Variants in SEC14L4 observed in about 807,000 individuals in gnomAD.
The protein encoded by SEC14L4 is SEC14-like protein 4.
SEC14L4 carries 42 observed loss-of-function variants against 55.1 expected under a neutral mutation model. The observed-to-expected ratio is 0.76, with a 90% CI of 0.60 to 0.99. The LOEUF (loss-of-function observed/expected upper bound fraction) is 0.99. SEC14L4 is among the 50% of genes least tolerant of loss of function. The probability of loss-of-function intolerance (pLI) is 0.00; values close to 1 mark genes in which losing one functional copy is unlikely to be tolerated. For missense variants in SEC14L4, 445 were observed against 512.1 expected (o/e 0.87, Z 1.27); for synonymous variants, 206 against 206.8 (o/e 1.00, Z 0.03).
Position 30,495,645 on chromosome 22 carries a change from G to A in SEC14L4, c.175-3C>T. The A allele has an allele frequency of 6.2e-7, 1 of 1,614,092 alleles. No individual in the cohort carries two copies. Among genetic ancestry groups the A allele is most frequent in the Middle Eastern group, 1.6e-4 (1 of 6,062 alleles). Reference sequence around the variant, plus strand: ...TGTTGCTTCCGGAACTCCATGTGCTGCAGGAACACAGCAGGAGCTATAGGA... The same window carrying A: ...TGTTGCTTCCGGAACTCCATGTGCTACAGGAACACAGCAGGAGCTATAGGA... On this transcript the variant is annotated splice_polypyrimidine_tract_variant and splice_region_variant and intron_variant, in intron 3 of 11. Coordinates refer to ENST00000255858, the MANE Select transcript of SEC14L4 (RefSeq NM_174977.4).
Position 30,490,236 on chromosome 22 carries a change from G to A in SEC14L4, c.1092C>T (p.Arg364=). The A allele has an allele frequency of 1.2e-6, 2 of 1,613,438 alleles. No homozygotes were observed. The highest frequency in any genetic ancestry group is 1.7e-6 in the Non-Finnish European group (2 of 1,180,022). The change falls in exon 12 of 12, where the codon CGC becomes CGT. Residue 364 remains arginine (R), a synonymous_variant. Transcript: ENST00000255858. Reference sequence around the variant, plus strand: ...GCATCCGGCTGTAGGTGTTGTCGAAGCGCAGGACATCTGCAGTGATGGAGA... The same window carrying A: ...GCATCCGGCTGTAGGTGTTGTCGAAACGCAGGACATCTGCAGTGATGGAGA... ...TCLQAGVYVL[R]FDNTYSRMHA...
rs969179587 is a variant in SEC14L4 at position 30,501,846 on chromosome 22, C to T, written c.130+1831G>A. ...TTATATATATATACACACACACGCA[C>T]ATATATATATATATATATATATATA... On this transcript the variant is annotated intron_variant, in intron 2 of 11. Transcript: ENST00000255858. Among the ~76,000 whole-genome samples the T allele has an allele frequency of 6.8e-3, 760 of 111,812 alleles. 11 individuals are homozygous for T. The highest frequency in any genetic ancestry group is 0.024 in the African/African-American group (688 of 28,314). 73.4% of individuals were successfully genotyped at this position (111,812 alleles called of 152,430 possible).
Position 30,494,960 on chromosome 22 carries a change from A to C in SEC14L4, c.425T>G (p.Leu142Arg), listed in dbSNP as rs768087720. Residue 142 changes from leucine to arginine, a missense_variant and splice_region_variant, in exon 6 of 12, where the codon CTG becomes CGG. Coordinates refer to ENST00000255858, the MANE Select transcript of SEC14L4 (RefSeq NM_174977.4). ...CAGCGCCATCTCGATCTTCCTGCCC[A>C]GCTGCTTGGGACAGAGTCATATAGG... ...LHECELQTQK[L>R]GRKIEMALMV... 3.7e-6 allele frequency: 6 copies of C among 1,612,998 alleles called. No individual in the cohort carries two copies. In the East Asian group the frequency reaches 1.3e-4, roughly 36 times the overall value.
rs750544921 is a variant in SEC14L4 at position 30,491,760 on chromosome 22, C to T, written c.912-18G>A. On this transcript the variant is annotated intron_variant, in intron 10 of 11. Transcript: ENST00000255858. ...ACTGCCACCTGCAGTGGATAGAGCC[C>T]CATTGGCGACCCCCTGCCTGGGCTC... 29 of 1,613,076 alleles carry T rather than the reference C, an allele frequency of 1.8e-5. No homozygotes were observed. The highest frequency in any genetic ancestry group is 2.5e-5 in the Non-Finnish European group (29 of 1,179,246).
At position 30,492,567 on chromosome 22, in the gene SEC14L4, A is replaced by AT; in HGVS notation, c.581-11dup. 6.2e-7 allele frequency: 1 copy of AT among 1,607,774 alleles called. No individual in the cohort carries two copies. Among genetic ancestry groups the AT allele is most frequent in the African/African-American group, 1.3e-5 (1 of 74,942 alleles). On this transcript the variant is annotated splice_polypyrimidine_tract_variant and intron_variant, in intron 7 of 11. Transcript: ENST00000255858. ...GGGAACAGTTTTGGGGCTGAAACACATGTAAATCTCTTGAGAAGCTGGACC... is the reference window on the plus strand; with the variant it reads ...GGGAACAGTTTTGGGGCTGAAACACATTGTAAATCTCTTGAGAAGCTGGACC...
In SEC14L4 at chr22:30,495,385, C is replaced by G. The variant is rs1440065717; in HGVS notation, c.292G>C (p.Val98Leu). ...AGGGACCCAATGATGTTGAAGTACACAGGGCAGCCTTCGTAGTCGTAGCCA... is the reference window on the plus strand; with the variant it reads ...AGGGACCCAATGATGTTGAAGTACAGAGGGCAGCCTTCGTAGTCGTAGCCA... Reference protein sequence around the residue: ...LCGYDYEGCPVYFNIIGSLDP... With the variant: ...LCGYDYEGCPLYFNIIGSLDP... The change falls in exon 5 of 12, where the codon GTG (valine) becomes CTG (leucine). Residue 98 changes from valine to leucine, a missense_variant. Physicochemically the swap from Val to Leu is conservative, Grantham distance 32. Coordinates refer to ENST00000255858, the MANE Select transcript of SEC14L4 (RefSeq NM_174977.4). 28 of 1,613,958 alleles carry G rather than the reference C, an allele frequency of 1.7e-5. No homozygotes were observed. The highest frequency in any genetic ancestry group is 2.1e-5 in the Non-Finnish European group (25 of 1,180,012).
At chr22:30,497,524 GAAA>G (rs751995736) in intron 2 of SEC14L4, among the ~76,000 whole-genome samples, 2 of 124,424 alleles carry the variant, frequency 1.6e-5, no homozygotes, top group Admixed American at 8.5e-5. Context: ...GACCCTGTCT[GAAA>G]AAAAAAAAAA....
At chr22:30,503,858 A>C in intron 1 of SEC14L4, 106 bp from the exon 2 acceptor site, 3 of 811,058 alleles carry the variant, frequency 3.7e-6, no homozygotes, top group Non-Finnish European at 6.1e-6. Context: ...CTCCACCAGA[A>C]GACCATGCAG....
chr22:30,497,036 A>G (rs1428134163), intron 2 of SEC14L4, among the ~76,000 whole-genome samples: 1 of 152,064 alleles, frequency 6.6e-6, no homozygotes, highest in Non-Finnish European at 1.5e-5. Flanking sequence ...TGATCATGAA[A>G]CAGTTCCAGA....
At chr22:30,493,224 C>T (rs150246953) in intron 7 of SEC14L4, among the ~76,000 whole-genome samples, 280 of 152,282 alleles carry the variant, frequency 1.8e-3, no homozygotes, top group Non-Finnish European at 3.3e-3. Flanking sequence ...TTCCACACTC[C>T]AGGTTGTCTG....
intron 1 of SEC14L4, 29 bp from the exon 2 acceptor site, chr22:30,503,781 G>A (rs369623151): frequency 7.4e-5 from 118 of 1,603,176 alleles, no homozygotes; most frequent in African/African-American, 1.6e-4. Context: ...GATGGTCGGC[G>A]GAGCTCTCAT....
Position 30,495,587 on chromosome 22 carries a change from G to A in SEC14L4, c.230C>T (p.Pro77Leu), listed in dbSNP as rs202227787. The A allele has an allele frequency of 1.9e-5, 31 of 1,613,936 alleles. No homozygotes were observed. The Middle Eastern group carries it at 8.3e-4, about 43-fold the overall frequency. ...DLDNIVTWQP[P>L]EVIQLYDSGG... Reference sequence around the variant, plus strand: ...GGGATGCTGCTCGAGGCTCACCTCAGGGGGCTGCCATGTGACAATGTTGTC... The same window carrying A: ...GGGATGCTGCTCGAGGCTCACCTCAAGGGGCTGCCATGTGACAATGTTGTC... Residue 77 changes from proline to leucine, a missense_variant, in exon 4 of 12, where the codon CCT (proline) becomes CTT (leucine). Physicochemically the swap from Pro to Leu is moderately conservative, Grantham distance 98. Coordinates refer to ENST00000255858, the MANE Select transcript of SEC14L4 (RefSeq NM_174977.4).
chr22:30,494,204 T>C lies in SEC14L4; in HGVS notation c.526A>G (p.Ser176Gly). 6.2e-7 allele frequency: 1 copy of C among 1,613,298 alleles called. No homozygotes were observed. The highest frequency in any genetic ancestry group is 2.2e-5 in the East Asian group (1 of 44,876). Residue 176 changes from serine (S) to glycine (G), a missense_variant, in exon 7 of 12, where the codon AGC becomes GGC. Coordinates refer to ENST00000255858, the MANE Select transcript of SEC14L4 (RefSeq NM_174977.4). ...PAVEVYQQFF[S>G]ILEANYPETL... Reference sequence around the variant, plus strand: ...TCAGGATAATTTGCTTCCAGGATGCTAAAAAACTGTGGAGTCAAGATGAGT... The same window carrying C: ...TCAGGATAATTTGCTTCCAGGATGCCAAAAAACTGTGGAGTCAAGATGAGT...
chr22:30,499,848 G>T (rs1936264975), intron 2 of SEC14L4, among the ~76,000 whole-genome samples: 1 of 151,512 alleles, frequency 6.6e-6, no homozygotes, highest in South Asian at 2.1e-4. Context: ...GGTTCTTAAA[G>T]AATTCGTATG....
chr22:30,490,358 A>G, intron 11 of SEC14L4, 112 bp from the exon 12 acceptor site: 1 of 1,533,010 alleles, frequency 6.5e-7, no homozygotes. Context: ...CATCCCTGGA[A>G]CGTCCTGCAT....
Position 30,491,915 on chromosome 22 carries a change from T to C in SEC14L4, c.830A>G (p.Gln277Arg), listed in dbSNP as rs531889100. Residue 277 changes from glutamine (Q) to arginine (R), a missense_variant, in exon 10 of 12, where the codon CAG (glutamine) becomes CGG (arginine). By Grantham distance (43) the Gln-to-Arg change is conservative. Transcript: ENST00000255858. ...GCCCACGGACCTCGTGTGCTCATAC[T>C]GCAGCCTCACCTGCTCGCACAGGTA... Reference protein sequence around the residue: ...SYYLCEQVRLQYEHTRSVGRG... With the variant: ...SYYLCEQVRLRYEHTRSVGRG... 7.5e-5 allele frequency: 121 copies of C among 1,613,966 alleles called. No homozygotes were observed. The highest frequency in any genetic ancestry group is 9.4e-5 in the Non-Finnish European group (111 of 1,180,026).
At chr22:30,495,899 G>C (rs1203976065) in intron 3 of SEC14L4, 29 bp downstream of exon 3, 1 of 1,609,990 alleles carries the variant, frequency 6.2e-7, no homozygotes, top group African/African-American at 1.3e-5. Context: ...TGCATGGAAG[G>C]CAGGGCAGTA....
intron 2 of SEC14L4, among the ~76,000 whole-genome samples, chr22:30,496,253 C>T (rs1009462365): frequency 1.3e-5 from 2 of 151,962 alleles, no homozygotes; most frequent in Non-Finnish European, 1.5e-5. Flanking sequence ...GCTGAGACTA[C>T]AGGGCCACAC....
At position 30,495,573 on chromosome 22, in the gene SEC14L4, C is replaced by T. The variant is rs76563655; in HGVS notation, c.234+10G>A. 6.0e-4 allele frequency: 970 copies of T among 1,613,804 alleles called. 2 individuals are homozygous for T. The African/African-American group carries it at 0.011, about 18-fold the overall frequency. On this transcript the variant is annotated intron_variant, in intron 4 of 11. Coordinates refer to ENST00000255858, the MANE Select transcript of SEC14L4 (RefSeq NM_174977.4). Reference sequence around the variant, plus strand: ...CTCAGATGGCCTGGGGGATGCTGCTCGAGGCTCACCTCAGGGGGCTGCCAT... The same window carrying T: ...CTCAGATGGCCTGGGGGATGCTGCTTGAGGCTCACCTCAGGGGGCTGCCAT...
Sources: allele counts gnomAD v4.1 joint callset (sites outside exome capture counted in the v4.1 genomes callset), GRCh38; gene constraint gnomAD v4.1.1; transcripts MANE v1.5; gene names NCBI Gene and HGNC (gene_info 2026-07-23, HGNC 2026-07-21).